COL5A2: variants seen among roughly 807,000 people sequenced by gnomAD.
COL5A2 encodes the protein collagen type V alpha 2 chain.
A neutral mutation model predicts 208.2 loss-of-function variants in COL5A2; 23 were observed. The observed-to-expected ratio is 0.11, with a 90% confidence interval of 0.08 to 0.16. COL5A2 has a LOEUF of 0.16. Among genes scored for constraint, COL5A2 ranks in the 10% least tolerant of loss-of-function variants. The pLI is 1.00. For missense variants in COL5A2, 1,590 were observed against 1,956.4 expected (o/e 0.81, Z 3.53); for synonymous variants, 625 against 628.5 (o/e 0.99, Z 0.08).
intron 1 of COL5A2, among the ~76,000 whole-genome samples, chr2:189,146,207 A>T (rs1490670582): frequency 6.6e-6 from 1 of 152,136 alleles, no homozygotes; most frequent in Non-Finnish European, 1.5e-5. Flanking sequence ...TTCAGTGGGA[A>T]GTGAATGAAG....
At chr2:189,310,748 A>G in the COL5A2 span, among the ~76,000 whole-genome samples, 1 of 152,230 alleles carries the variant, frequency 6.6e-6, no homozygotes, top group South Asian at 2.1e-4. Flanking sequence ...CCAAAAAAAA[A>G]AAGAATGAGA....
intron 31 of COL5A2, 106 bp downstream of exon 31, chr2:189,060,624 A>G: frequency 3.1e-6 from 3 of 961,498 alleles, no homozygotes; most frequent in Non-Finnish European, 5.0e-6. Flanking sequence ...TGAGAACTCA[A>G]AGAGATAATG....
chr2:189,342,640 AACACACACAC>A, the COL5A2 span, among the ~76,000 whole-genome samples: 3,453 of 143,612 alleles, frequency 0.024, 56 homozygotes, highest in Admixed American at 0.041. Context: ...AGAGAGCTAA[AACACACACAC>A]ACACACACAC....
the COL5A2 span, among the ~76,000 whole-genome samples, chr2:189,363,827 A>C: frequency 6.6e-6 from 1 of 152,194 alleles, no homozygotes; most frequent in Admixed American, 6.5e-5. Flanking sequence ...AGTCACTCCC[A>C]CATAGACTGA....
At chr2:189,130,356 T>C (rs1687687088) in intron 1 of COL5A2, among the ~76,000 whole-genome samples, 1 of 152,074 alleles carries the variant, frequency 6.6e-6, no homozygotes, top group Admixed American at 6.6e-5. Flanking sequence ...ACAGCCTCTT[T>C]ACAAATTTAT....
At chr2:189,206,828 T>C (rs1689149385) in intron 1 of COL5A2, among the ~76,000 whole-genome samples, 3 of 152,176 alleles carry the variant, frequency 2.0e-5, no homozygotes, top group Admixed American at 6.5e-5. Flanking sequence ...TACTCGAAAG[T>C]TGTGTAGAAT....
chr2:189,287,999 AAAAAAC>A, the COL5A2 span, among the ~76,000 whole-genome samples: 1 of 152,180 alleles, frequency 6.6e-6, no homozygotes, highest in Non-Finnish European at 1.5e-5. Flanking sequence ...ACATACAAGC[AAAAAAC>A]AAAGAGCAAC....
At chr2:189,382,834 A>G in the COL5A2 span, among the ~76,000 whole-genome samples, 1 of 152,182 alleles carries the variant, frequency 6.6e-6, no homozygotes, top group Non-Finnish European at 1.5e-5. Flanking sequence ...TGTTACAAAG[A>G]ACATTCACAA....
the COL5A2 span, among the ~76,000 whole-genome samples, chr2:189,248,792 G>C: frequency 6.6e-6 from 1 of 151,942 alleles, no homozygotes; most frequent in Non-Finnish European, 1.5e-5. Context: ...AAGATTTTGT[G>C]GTTTGAATAA....
chr2:189,203,444 C>T (rs1420702918), intron 1 of COL5A2, among the ~76,000 whole-genome samples: 1 of 152,138 alleles, frequency 6.6e-6, no homozygotes, highest in Admixed American at 6.6e-5. Context: ...TTTAGTGTTT[C>T]TAAAACTGCT....
intron 35 of COL5A2, 165 bp downstream of exon 35, chr2:189,056,808 T>C: frequency 1.4e-6 from 1 of 720,860 alleles, no homozygotes; most frequent in Non-Finnish European, 2.5e-6. Context: ...GTAAGCAAAA[T>C]GAATAAACCG....
At chr2:189,437,031 AAGAG>A in the COL5A2 span, among the ~76,000 whole-genome samples, 297 of 152,258 alleles carry the variant, frequency 2.0e-3, no homozygotes, top group African/African-American at 6.7e-3. Context: ...TTTAAAAAAA[AAGAG>A]AGAGAGAAAG....
intron 1 of COL5A2, 34 bp from the exon 2 acceptor site, chr2:189,110,483 C>G: frequency 6.3e-7 from 1 of 1,582,704 alleles, no homozygotes; most frequent in Non-Finnish European, 8.7e-7. Context: ...GGTTAGTAAT[C>G]TGAAATTATA....
the COL5A2 span, among the ~76,000 whole-genome samples, chr2:189,362,306 A>G: frequency 3.3e-5 from 5 of 152,152 alleles, no homozygotes; most frequent in Admixed American, 6.6e-5. Context: ...CAGGCTATTA[A>G]AGGAGAATGC....
the COL5A2 span, among the ~76,000 whole-genome samples, chr2:189,375,020 CTTT>C: frequency 1.4e-5 from 2 of 143,882 alleles, no homozygotes; most frequent in Non-Finnish European, 1.5e-5. Context: ...ATTTTTATAT[CTTT>C]TTTTTTTTTT....
the COL5A2 span, among the ~76,000 whole-genome samples, chr2:189,392,955 A>G: frequency 2.0e-5 from 3 of 152,194 alleles, no homozygotes; most frequent in African/African-American, 4.8e-5. Flanking sequence ...CTGTAGTATC[A>G]GTTACATCTA....
chr2:189,383,323 G>T, the COL5A2 span, among the ~76,000 whole-genome samples: 9 of 151,990 alleles, frequency 5.9e-5, no homozygotes, highest in Admixed American at 5.9e-4. Context: ...TCTTTCCTTT[G>T]TGTGCACTCT....
chr2:189,148,955 C>T (rs1352002766), intron 1 of COL5A2, among the ~76,000 whole-genome samples: 2 of 152,124 alleles, frequency 1.3e-5, no homozygotes, highest in Admixed American at 6.5e-5. Flanking sequence ...GCTTGACCAA[C>T]ATGGCAAAAA....
At chr2:189,382,705 G>C in the COL5A2 span, among the ~76,000 whole-genome samples, 1 of 152,176 alleles carries the variant, frequency 6.6e-6, no homozygotes, top group African/African-American at 2.4e-5. Context: ...GCAAAGGGTG[G>C]TGGGATTATC....
Sources: gnomAD v4.1 joint callset for allele counts (sites outside exome capture counted in the v4.1 genomes callset) on GRCh38, gnomAD v4.1.1 for gene constraint, MANE v1.5 for transcripts, NCBI Gene and HGNC (gene_info 2026-07-23, HGNC 2026-07-21) for gene names.